The following FIG4 variants were observed in gnomAD, a reference collection of about 807,000 sequenced individuals.
FIG4 encodes FIG4 phosphoinositide 5-phosphatase, also known as polyphosphoinositide phosphatase.
FIG4 carries 112 observed loss-of-function variants against 118.6 expected under a neutral mutation model. The observed-to-expected ratio is 0.94, with a 90% confidence interval of 0.81 to 1.11. The LOEUF is 1.11. Among genes scored for constraint, FIG4 ranks in the 50% least tolerant of loss-of-function variants. FIG4 has a pLI of 0.00. For missense variants in FIG4, 969 were observed against 1,111.7 expected (o/e 0.87, Z 1.83); for synonymous variants, 369 against 381.2 (o/e 0.97, Z 0.37).
intron 12 of FIG4, among the ~76,000 whole-genome samples, chr6:109,763,496 T>C (rs1777175489): frequency 6.6e-6 from 1 of 152,152 alleles, no homozygotes; most frequent in South Asian, 2.1e-4. Flanking sequence ...CAAAGAAATA[T>C]AACAAAGCCT....
chr6:109,792,334 C>G (rs1312754283), intron 20 of FIG4, among the ~76,000 whole-genome samples: 1 of 152,234 alleles, frequency 6.6e-6, no homozygotes, highest in East Asian at 1.9e-4. Flanking sequence ...TTGCCAACTC[C>G]TGCATTATAC....
chr6:109,697,916 A>T (rs958245410), intron 1 of FIG4, among the ~76,000 whole-genome samples: 11 of 147,522 alleles, frequency 7.5e-5, no homozygotes, highest in Non-Finnish European at 1.6e-4. Context: ...TAAGACGGTG[A>T]TTTGCACTGT....
At chr6:109,712,365 TTC>T (rs1254849521) in intron 1 of FIG4, among the ~76,000 whole-genome samples, 1 of 152,236 alleles carries the variant, frequency 6.6e-6, no homozygotes, top group Non-Finnish European at 1.5e-5. Context: ...GTTGGTTCCA[TTC>T]TCTTTCTGGT....
At chr6:109,810,345 A>G (rs1778685614) in intron 22 of FIG4, among the ~76,000 whole-genome samples, 1 of 152,234 alleles carries the variant, frequency 6.6e-6, no homozygotes, top group Admixed American at 6.5e-5. Flanking sequence ...ATTCTAGGCC[A>G]GAGAATCAGG....
At chr6:109,723,819 G>A (rs1775685948) in intron 3 of FIG4, among the ~76,000 whole-genome samples, 1 of 152,184 alleles carries the variant, frequency 6.6e-6, no homozygotes, top group Non-Finnish European at 1.5e-5. Flanking sequence ...CCTACCACAT[G>A]ATCCAGAGAA....
Position 109,786,367 on chromosome 6 carries a change from G to T in FIG4, c.2014G>T (p.Asp672Tyr), listed in dbSNP as rs1777956401. Residue 672 changes from aspartate (D) to tyrosine (Y), a missense_variant, in exon 18 of 23, where the codon GAT (aspartate) becomes TAT (tyrosine). This residue lies in a region of FIG4 where 330 missense variants were observed against 348.1 expected (regional missense o/e 0.95). Transcript: ENST00000230124. The part of the protein sequence containing the change: ...KKFHKYEEEI[D>Y]IHNEFFRPYE... ...ATTCCACAAATATGAAGAAGAGATT[G>T]ATATCCACAATGAGTTCTTTCGGCC... 1 of 1,613,738 alleles carries T rather than the reference G, an allele frequency of 6.2e-7. No individual in the cohort carries two copies. Among genetic ancestry groups the T allele is most frequent in the Non-Finnish European group, 8.5e-7 (1 of 1,179,630 alleles).
intron 3 of FIG4, among the ~76,000 whole-genome samples, chr6:109,724,336 A>T (rs906194001): frequency 6.6e-6 from 1 of 152,192 alleles, no homozygotes; most frequent in African/African-American, 2.4e-5. Context: ...GTTACCAGAG[A>T]TACTTAGATT....
Position 109,796,835 on chromosome 6 carries a change from G to C in FIG4, c.2530G>C (p.Asp844His), listed in dbSNP as rs936946234. The C allele has an allele frequency of 6.3e-7, 1 of 1,599,302 alleles. No homozygotes were observed. The highest frequency in any genetic ancestry group is 1.3e-5 in the African/African-American group (1 of 74,650). ...NSQQPCSRCS[D>H]GVIKLTPISA... The stretch of plus-strand genomic sequence containing the variant: ...CCAGCAGCCCTGTTCTAGGTGCTCA[G>C]ATGGAGTTATAAAACTGTAAGTACT... Residue 844 changes from aspartate to histidine, a missense_variant, in exon 22 of 23, where the codon GAT becomes CAT. By Grantham distance (81) the Asp-to-His change is moderately conservative. Around this residue, in one of 3 missense-constraint regions of FIG4, gnomAD observed 330 missense variants for 348.1 expected, o/e 0.95. Transcript: ENST00000230124.
At chr6:109,720,338 G>A (rs978641855) in intron 3 of FIG4, among the ~76,000 whole-genome samples, 3 of 152,146 alleles carry the variant, frequency 2.0e-5, no homozygotes, top group African/African-American at 2.4e-5. Flanking sequence ...AAAATAACAC[G>A]TGTGAAATGA....
At chr6:109,735,122 T>G in intron 5 of FIG4, 28 bp from the exon 6 acceptor site, 1 of 1,602,654 alleles carries the variant, frequency 6.2e-7, no homozygotes, top group Non-Finnish European at 8.5e-7. Context: ...CTTTTGTAAT[T>G]CTTATTAAGT....
chr6:109,787,791 A>G (rs1052111228), intron 18 of FIG4, among the ~76,000 whole-genome samples: 3 of 152,180 alleles, frequency 2.0e-5, no homozygotes, highest in Non-Finnish European at 2.9e-5. Flanking sequence ...TCTAAGGGAA[A>G]TACAGGGTTA....
rs529899075 is a variant in FIG4 at position 109,814,004 on chromosome 6, C to T, written c.2547-11084C>T. 2.6e-5 allele frequency among the ~76,000 whole-genome samples: 4 copies of T among 152,270 alleles called. No homozygotes were observed. The East Asian group carries it at 5.8e-4, about 22-fold the overall frequency. On this transcript the variant is annotated intron_variant, in intron 22 of 22. Coordinates refer to ENST00000230124, the MANE Select transcript of FIG4 (RefSeq NM_014845.6). ...CACTAAACTAAGCCCCTCTCAGATC[C>T]CTGACCTCCAGAAACTGTGACATAA...
chr6:109,814,233 G>A (rs779464141), intron 22 of FIG4, among the ~76,000 whole-genome samples: 6 of 152,084 alleles, frequency 3.9e-5, no homozygotes, highest in African/African-American at 9.7e-5. Context: ...TGACCTGCCC[G>A]GCTCAAGCGA....
At chr6:109,785,707 C>T (rs116108270) in intron 17 of FIG4, 108 of 470,492 alleles carry the variant, frequency 2.3e-4, no homozygotes, top group African/African-American at 1.9e-3. Flanking sequence ...CTGGAATGCT[C>T]CAATTGAGGA....
intron 22 of FIG4, 136 bp from the exon 23 acceptor site, chr6:109,824,952 A>T (rs1214805889): frequency 1.3e-6 from 1 of 773,322 alleles, no homozygotes; most frequent in Admixed American, 1.9e-5. Context: ...AGGACTGGGG[A>T]GGTCATCCCA....
At chr6:109,766,365 A>T (rs1777278931) in intron 14 of FIG4, among the ~76,000 whole-genome samples, 1 of 152,208 alleles carries the variant, frequency 6.6e-6, no homozygotes, top group Non-Finnish European at 1.5e-5. Flanking sequence ...TGACAGGAGC[A>T]TATTCTTTTT....
intron 3 of FIG4, among the ~76,000 whole-genome samples, chr6:109,725,950 G>GT (rs1006316232): frequency 6.6e-6 from 1 of 151,962 alleles, no homozygotes; most frequent in Non-Finnish European, 1.5e-5. Context: ...GGGGTTGTTT[G>GT]TTTTTTTCTT....
chr6:109,733,952 A>G (rs1383310590), intron 5 of FIG4, among the ~76,000 whole-genome samples: 2 of 152,004 alleles, frequency 1.3e-5, no homozygotes, highest in Non-Finnish European at 2.9e-5. Flanking sequence ...TAAAAAGGTT[A>G]TAATATATTC....
intron 22 of FIG4, among the ~76,000 whole-genome samples, chr6:109,819,224 T>A (rs1778940064): frequency 6.6e-6 from 1 of 151,930 alleles, no homozygotes; most frequent in Admixed American, 6.6e-5. Flanking sequence ...AAAGGAGGAG[T>A]ATGGGAAACA....
Sources: allele counts gnomAD v4.1 joint callset (sites outside exome capture counted in the v4.1 genomes callset), GRCh38; gene constraint gnomAD v4.1.1; regional missense constraint gnomAD v4.1.1; transcripts MANE v1.5; gene names NCBI Gene and HGNC (gene_info 2026-07-23, HGNC 2026-07-21).